ZBTB7A: variants seen among roughly 807,000 people sequenced by gnomAD.
ZBTB7A encodes the protein zinc finger and BTB domain-containing protein 7A.
A neutral mutation model predicts 26.7 loss-of-function variants in ZBTB7A; 7 were observed. That is an observed-to-expected ratio of 0.26 (90% CI 0.15 to 0.49). The LOEUF (loss-of-function observed/expected upper bound fraction) is 0.49, where lower values mean the gene tolerates loss of function less well. Among genes scored for constraint, ZBTB7A ranks in the 20% least tolerant of loss-of-function variants. The pLI is 0.98. For synonymous variants in ZBTB7A, 452 were observed against 441.0 expected (o/e 1.02, Z -0.31); for missense variants, 617 against 919.5 (o/e 0.67, Z 4.25).
At chr19:4,065,477 T>TGGCGGCGGCTGC (rs1221417452) in intron 1 of ZBTB7A, 2 of 142,546 alleles carry the variant, frequency 1.4e-5, no homozygotes, top group African/African-American at 2.6e-5. Flanking sequence ...GCGGCGGCGG[T>TGGCGGCGGCTGC]GGCGGCGGCT....
chr19:4,052,063 G>A lies in ZBTB7A; in HGVS notation c.1262+1908C>T, dbSNP rs2144984062. On this transcript the variant is annotated intron_variant, in intron 2 of 2. Coordinates refer to ENST00000322357, the MANE Select transcript of ZBTB7A (RefSeq NM_015898.4). This position sits in a 1 kb window ranked among gnomAD's most constrained non-coding sequence, Gnocchi z 4.9. ...ACGGGGTGGGGGAAAAGAGGAAGCA[G>A]GTGGGTCTAAATTGGGGTGGGAGGA... Among the ~76,000 whole-genome samples the A allele has an allele frequency of 6.6e-6, 1 of 152,292 alleles. No homozygotes were observed. The highest frequency in any genetic ancestry group is 2.1e-4 in the South Asian group (1 of 4,830).
In ZBTB7A at chr19:4,046,004, T is replaced by C. The variant is rs1383978675; in HGVS notation, c.*1748A>G. ...CCAAGGTCCAGCTCCTTGGTGGCCA[T>C]GCGGGAGGGACAGGCGTGTTGGGGG... On this transcript the variant is annotated 3_prime_UTR_variant, in exon 3 of 3. Coordinates refer to ENST00000322357, the MANE Select transcript of ZBTB7A (RefSeq NM_015898.4). The C allele has an allele frequency of 2.0e-5, 8 of 398,026 alleles. No individual in the cohort carries two copies. The highest frequency in any genetic ancestry group is 4.4e-5 in the Admixed American group (1 of 22,626). 24.7% of individuals were successfully genotyped at this position (398,026 alleles called of 1,614,324 possible). A position where few individuals can be genotyped will look rare whatever the true frequency, so the allele number is the denominator to read the frequency against.
At position 4,054,633 on chromosome 19, in the gene ZBTB7A, C is replaced by T; in HGVS notation, c.600G>A (p.Glu200=). 1.3e-6 allele frequency: 2 copies of T among 1,595,860 alleles called. No individual in the cohort carries two copies. Among genetic ancestry groups the T allele is most frequent in the Non-Finnish European group, 1.7e-6 (2 of 1,173,152 alleles). Residue 200 remains glutamate, a synonymous_variant, in exon 2 of 3, where the codon GAG becomes GAA. Coordinates refer to ENST00000322357, the MANE Select transcript of ZBTB7A (RefSeq NM_015898.4). ...ASDDDLDATK[E]AVAAAVAAVA... ...CGGCGGCCACAGCGGCGGCCACGGC[C>T]TCCTTGGTGGCATCCAGGTCATCAT...
In ZBTB7A at chr19:4,046,000, GC is replaced by G; in HGVS notation, c.*1751del. ...GCATCCAAGGTCCAGCTCCTTGGTG[GC>G]CATGCGGGAGGGACAGGCGTGTTGG... On this transcript the variant is annotated 3_prime_UTR_variant, in exon 3 of 3. Coordinates refer to ENST00000322357, the MANE Select transcript of ZBTB7A (RefSeq NM_015898.4). The surrounding 1 kb of genome is among the most constrained non-coding windows in gnomAD (Gnocchi z 4.1). The G allele has an allele frequency of 2.5e-6, 1 of 398,972 alleles. No homozygotes were observed. Among genetic ancestry groups the G allele is most frequent in the Non-Finnish European group, 4.4e-6 (1 of 226,066 alleles). 24.7% of individuals were successfully genotyped at this position (398,972 alleles called of 1,614,324 possible). A position where few individuals can be genotyped will look rare whatever the true frequency, so the allele number is the denominator to read the frequency against.
chr19:4,043,984 G>A lies in ZBTB7A; in HGVS notation c.*3768C>T, dbSNP rs963646970. On this transcript the variant is annotated 3_prime_UTR_variant, in exon 3 of 3. Coordinates refer to ENST00000322357, the MANE Select transcript of ZBTB7A (RefSeq NM_015898.4). ...GGTTTTTAATATTTTTTTTTCTTCT[G>A]TTTTTCCTTTCATTCTCTCTGTCTT... Among the ~76,000 whole-genome samples the A allele has an allele frequency of 2.0e-5, 3 of 150,638 alleles. No homozygotes were observed. The highest frequency in any genetic ancestry group is 7.3e-5 in the African/African-American group (3 of 40,904).
chr19:4,051,603 G>A (rs1297895512), intron 2 of ZBTB7A, among the ~76,000 whole-genome samples: 1 of 152,188 alleles, frequency 6.6e-6, no homozygotes, highest in Admixed American at 6.5e-5. Context: ...GTGGTAACTT[G>A]CTAACAGAAC....
In ZBTB7A at chr19:4,046,432, C is replaced by CTTTTTTT. The variant is rs10535792; in HGVS notation, c.*1313_*1319dup. The stretch of plus-strand genomic sequence containing the variant: ...TCTCTCTCGCTCTCTCTCTCGCTCG[C>CTTTTTTT]TTTTTTTTTTTTTTTTTGTCTTTTC... On this transcript the variant is annotated 3_prime_UTR_variant, in exon 3 of 3. Coordinates refer to ENST00000322357, the MANE Select transcript of ZBTB7A (RefSeq NM_015898.4). The CTTTTTTT allele has an allele frequency of 3.4e-5, 4 of 118,088 alleles. No homozygotes were observed. The highest frequency in any genetic ancestry group is 9.8e-5 in the African/African-American group (3 of 30,722). The allele number at this position is 118,088 out of a possible 1,614,324, so 7.3% of individuals were successfully genotyped here.
intron 2 of ZBTB7A, among the ~76,000 whole-genome samples, chr19:4,051,717 C>T (rs1354448185): frequency 2.0e-5 from 3 of 152,230 alleles, no homozygotes; most frequent in Non-Finnish European, 4.4e-5. Context: ...CCAGATCTGG[C>T]ACAGGGCCGG....
In ZBTB7A at chr19:4,052,082, GGGA is replaced by G. The variant is rs1337728433; in HGVS notation, c.1262+1886_1262+1888del. Among the ~76,000 whole-genome samples, 1 of 152,106 alleles carries G rather than the reference GGGA, an allele frequency of 6.6e-6. No individual in the cohort carries two copies. Among genetic ancestry groups the G allele is most frequent in the Non-Finnish European group, 1.5e-5 (1 of 67,992 alleles). The stretch of plus-strand genomic sequence containing the variant: ...GAAGCAGGTGGGTCTAAATTGGGGT[GGGA>G]GGAAGAGGTCTCCACAATTGTCCCT... On this transcript the variant is annotated intron_variant, in intron 2 of 2. Transcript: ENST00000322357. This position sits in a 1 kb window ranked among gnomAD's most constrained non-coding sequence, Gnocchi z 4.9.
At position 4,054,689 on chromosome 19, in the gene ZBTB7A, T is replaced by C; in HGVS notation, c.544A>G (p.Ser182Gly). The C allele has an allele frequency of 6.3e-7, 1 of 1,592,092 alleles. No individual in the cohort carries two copies. Among genetic ancestry groups the C allele is most frequent in the Non-Finnish European group, 8.5e-7 (1 of 1,169,624 alleles). Reference sequence around the variant, plus strand: ...GCCCCAAAGGCGGACCACGGGAAGCTGGCAGCGGCGGCGGCGGCCGCGGGG... The same window carrying C: ...GCCCCAAAGGCGGACCACGGGAAGCCGGCAGCGGCGGCGGCGGCCGCGGGG... ...LPPAAAAAAA[S>G]FPWSAFGASD... Residue 182 changes from serine to glycine, a missense_variant, in exon 2 of 3, where the codon AGC becomes GGC. By Grantham distance (56) the Ser-to-Gly change is moderately conservative (BLOSUM62 0). Transcript: ENST00000322357.
rs2040537908 is a variant in ZBTB7A, at chr19:4,053,960, G to C, written c.1262+11C>G. The C allele has an allele frequency of 9.5e-6, 15 of 1,586,024 alleles. No individual in the cohort carries two copies. Among genetic ancestry groups the C allele is most frequent in the Non-Finnish European group, 1.3e-5 (15 of 1,168,640 alleles). Reference sequence around the variant, plus strand: ...AGCAGGACGGCGCCTCCCCCGCGGCGGGCAGCTCACCTGGTGAAGCGGACC... The same window carrying C: ...AGCAGGACGGCGCCTCCCCCGCGGCCGGCAGCTCACCTGGTGAAGCGGACC... On this transcript the variant is annotated intron_variant, in intron 2 of 2. Transcript: ENST00000322357.
Position 4,054,675 on chromosome 19 carries a change from G to C in ZBTB7A, c.558C>G (p.Ser186=). 3.1e-6 allele frequency: 5 copies of C among 1,596,780 alleles called. No homozygotes were observed. The highest frequency in any genetic ancestry group is 4.3e-6 in the Non-Finnish European group (5 of 1,172,130). The change falls in exon 2 of 3, where the codon TCC becomes TCG. Residue 186 remains serine (S), a synonymous_variant. Coordinates refer to ENST00000322357, the MANE Select transcript of ZBTB7A (RefSeq NM_015898.4). The stretch of plus-strand genomic sequence containing the variant: ...GGTCATCATCGGACGCCCCAAAGGC[G>C]GACCACGGGAAGCTGGCAGCGGCGG... ...AAAAAASFPW[S]AFGASDDDLD...
Position 4,055,104 on chromosome 19 carries a change from G to A in ZBTB7A, c.129C>T (p.Arg43=), listed in dbSNP as rs2144994490. The A allele has an allele frequency of 6.2e-7, 1 of 1,609,554 alleles. No individual in the cohort carries two copies. Among genetic ancestry groups the A allele is most frequent in the Non-Finnish European group, 8.5e-7 (1 of 1,179,716 alleles). Residue 43 remains arginine, a synonymous_variant, in exon 2 of 3, where the codon CGC becomes CGT. Transcript: ENST00000322357. ...LCDVVILVEG[R]EFPTHRSVLA... ...GCACCGAGCGGTGCGTGGGGAACTC[G>A]CGGCCCTCCACCAGGATCACCACGT...
At chr19:4,057,423 G>A (rs77287903) in intron 1 of ZBTB7A, among the ~76,000 whole-genome samples, 4,235 of 152,272 alleles carry the variant, frequency 0.028, 195 homozygotes, top group African/African-American at 0.096. Flanking sequence ...GCCCTGATCT[G>A]AGCCATTTTC....
intron 1 of ZBTB7A, among the ~76,000 whole-genome samples, chr19:4,061,306 G>A (rs972560528): frequency 1.3e-5 from 2 of 152,130 alleles, no homozygotes; most frequent in African/African-American, 2.4e-5. Context: ...GTGGGCGGCC[G>A]GCCCAAGGTC....
rs1324524802 is a variant in ZBTB7A at position 4,052,228 on chromosome 19, G to C, written c.1262+1743C>G. 4.6e-5 allele frequency among the ~76,000 whole-genome samples: 7 copies of C among 152,152 alleles called. No homozygotes were observed. In the East Asian group the frequency reaches 1.4e-3, roughly 29 times the overall value. On this transcript the variant is annotated intron_variant, in intron 2 of 2. Transcript: ENST00000322357. This position sits in a 1 kb window ranked among gnomAD's most constrained non-coding sequence, Gnocchi z 4.9. ...GCCTGCGGCCAGGGAGGCAGGGTGGGGGTCACCACCTTCGCTCAGCCTGGT... is the reference window on the plus strand; with the variant it reads ...GCCTGCGGCCAGGGAGGCAGGGTGGCGGTCACCACCTTCGCTCAGCCTGGT...
chr19:4,048,205 G>A lies in ZBTB7A; in HGVS notation c.1302C>T (p.Gly434=), dbSNP rs1041870564. Reference sequence around the variant, plus strand: ...ACTGCTGGCACAGGTACGGCTTCTCGCCCGTGTGCTTCCGCATGTGCACCT... The same window carrying A: ...ACTGCTGGCACAGGTACGGCTTCTCACCCGTGTGCTTCCGCATGTGCACCT... ...KLKVHMRKHT[G]EKPYLCQQCG... is the part of the protein sequence containing the mutation. The change falls in exon 3 of 3, where the codon GGC becomes GGT. Residue 434 remains glycine (G), a synonymous_variant. Coordinates refer to ENST00000322357, the MANE Select transcript of ZBTB7A (RefSeq NM_015898.4). The surrounding 1 kb of genome is among the most constrained non-coding windows in gnomAD (Gnocchi z 6.7). The A allele has an allele frequency of 1.6e-5, 26 of 1,600,466 alleles. No individual in the cohort carries two copies. The African/African-American group carries it at 3.2e-4, about 20-fold the overall frequency.
chr19:4,045,312 A>AG lies in ZBTB7A; in HGVS notation c.*2439dup, dbSNP rs2040401408. ...CAGGGGGCCTCTCTGGGAGCTGGGG[A>AG]GGGGTGTCCCTGGCCTGGGTGTTCA... On this transcript the variant is annotated 3_prime_UTR_variant, in exon 3 of 3. Transcript: ENST00000322357. This position sits in a 1 kb window ranked among gnomAD's most constrained non-coding sequence, Gnocchi z 4.1. 1 of 149,104 alleles carries AG rather than the reference A, an allele frequency of 6.7e-6. No homozygotes were observed. The highest frequency in any genetic ancestry group is 1.5e-5 in the Non-Finnish European group (1 of 68,056). 9.2% of individuals were successfully genotyped at this position (149,104 alleles called of 1,614,324 possible). A position where few individuals can be genotyped will look rare whatever the true frequency, so the allele number is the denominator to read the frequency against.
Position 4,047,255 on chromosome 19 carries a change from G to C in ZBTB7A, c.*497C>G, listed in dbSNP as rs2040431943. On this transcript the variant is annotated 3_prime_UTR_variant, in exon 3 of 3. Transcript: ENST00000322357. The stretch of plus-strand genomic sequence containing the variant: ...GGGGGCCCATTTTAACGTCCGCTCA[G>C]AGCAGACAGAAATCATTTAAGGTCT... 1 of 152,210 alleles carries C rather than the reference G, an allele frequency of 6.6e-6. No homozygotes were observed. Among genetic ancestry groups the C allele is most frequent in the Admixed American group, 6.5e-5 (1 of 15,282 alleles). 9.4% of individuals were successfully genotyped at this position (152,210 alleles called of 1,614,324 possible).
Sources: allele counts gnomAD v4.1 joint callset (sites outside exome capture counted in the v4.1 genomes callset), GRCh38; gene constraint gnomAD v4.1.1; non-coding constraint Gnocchi (gnomAD v3.1); transcripts MANE v1.5; gene names NCBI Gene and HGNC (gene_info 2026-07-23, HGNC 2026-07-21).